Variants in POM121C observed in about 807,000 individuals in gnomAD.
POM121C encodes POM121 transmembrane nucleoporin C, also known as nuclear envelope pore membrane protein POM 121C.
A neutral mutation model predicts 66.4 loss-of-function variants in POM121C; 20 were observed. The ratio of observed to expected loss-of-function variants is 0.30; its 90% CI spans 0.21 to 0.44. The LOEUF (loss-of-function observed/expected upper bound fraction) is 0.44. Among genes scored for constraint, POM121C ranks in the 20% least tolerant of loss-of-function variants. The pLI, the probability that POM121C is intolerant of heterozygous loss-of-function variation, is 1.00. For missense variants in POM121C, 580 were observed against 1,225.7 expected, an observed-to-expected ratio of 0.47 and a Z score of 7.87; for synonymous variants, 286 against 528.0, an observed-to-expected ratio of 0.54 and a Z score of 6.28.
chr7:75,420,085 C>G (rs1789632939), intron 13 of POM121C: 1 of 152,384 alleles, frequency 6.6e-6, no homozygotes, highest in East Asian at 1.9e-4. Flanking sequence ...CCTCATGTCA[C>G]CTGTCAACTG....
intron 7 of POM121C, among the ~76,000 whole-genome samples, chr7:75,433,344 TA>T (rs2116377388): frequency 6.6e-6 from 1 of 151,876 alleles, no homozygotes; most frequent in African/African-American, 2.4e-5. Flanking sequence ...TTATGCATAT[TA>T]AAATATATTT....
In POM121C at chr7:75,439,236, C is replaced by G. The variant is rs182220897; in HGVS notation, c.228-12G>C. 6.1e-3 allele frequency: 9,847 copies of G among 1,613,480 alleles called. 57 individuals are homozygous for G. Among genetic ancestry groups the G allele is most frequent in the Non-Finnish European group, 6.2e-3 (7,271 of 1,179,850 alleles). The stretch of plus-strand genomic sequence containing the variant: ...TGCTATCATGGCGCCTGCGACAAAT[C>G]AAAAAAGTCTCAAATGAAATGACAT... On this transcript the variant is annotated splice_polypyrimidine_tract_variant and intron_variant, in intron 5 of 14. Coordinates refer to ENST00000615331, the MANE Select transcript of POM121C (RefSeq NM_001099415.3).
Position 75,419,041 on chromosome 7 carries a change from A to T in POM121C, c.2867-148T>A, listed in dbSNP as rs1302469545. ...CGCTGCGTCAGAAACACTGTACGGG[A>T]GGAGCCTCCTGAAATGCAAACTCCC... is the stretch of plus-strand genomic sequence containing the variant. On this transcript the variant is annotated intron_variant, in intron 14 of 14. Transcript: ENST00000615331. 4.8e-6 allele frequency: 7 copies of T among 1,445,936 alleles called. No homozygotes were observed. In the African/African-American group the frequency reaches 1.0e-4, roughly 21 times the overall value. The allele number at this position is 1,445,936 out of a possible 1,614,324, so 89.6% of individuals were successfully genotyped here.
chr7:75,461,972 C>T (rs1791459325), intron 3 of POM121C, among the ~76,000 whole-genome samples: 1 of 148,636 alleles, frequency 6.7e-6, no homozygotes, highest in African/African-American at 2.6e-5. Context: ...TCCAAGTCCC[C>T]ATCCCCCCAC....
chr7:75,457,874 T>C (rs1173431881), intron 3 of POM121C, among the ~76,000 whole-genome samples: 3 of 152,150 alleles, frequency 2.0e-5, no homozygotes, highest in Non-Finnish European at 4.4e-5. Context: ...CCAAGAACAG[T>C]TGATATATAT....
Position 75,419,575 on chromosome 7 carries a change from T to C in POM121C, c.2744-133A>G. On this transcript the variant is annotated intron_variant, in intron 13 of 14. Transcript: ENST00000615331. ...CCCACTTCTGCTTCTGGGGCACTCCTCCATCAGCAGCTGAGCCAGACAACC... is the reference window on the plus strand; with the variant it reads ...CCCACTTCTGCTTCTGGGGCACTCCCCCATCAGCAGCTGAGCCAGACAACC... The C allele has an allele frequency of 3.8e-6, 4 of 1,050,826 alleles. No homozygotes were observed. In the South Asian group the frequency reaches 7.0e-5, roughly 18 times the overall value. The allele number at this position is 1,050,826 out of a possible 1,614,324, so 65.1% of individuals were successfully genotyped here. A position where few individuals can be genotyped will look rare whatever the true frequency, so the allele number is the denominator to read the frequency against.
intron 3 of POM121C, among the ~76,000 whole-genome samples, chr7:75,465,087 C>T (rs1253018973): frequency 6.6e-6 from 1 of 150,658 alleles, no homozygotes; most frequent in Non-Finnish European, 1.5e-5. Flanking sequence ...CTCTGCCTAC[C>T]GGGTTCAAGC....
chr7:75,476,290 CAAA>C (rs11426718), intron 1 of POM121C, among the ~76,000 whole-genome samples: 4 of 116,506 alleles, frequency 3.4e-5, no homozygotes, highest in Non-Finnish European at 5.1e-5. Flanking sequence ...GACCTTGTCT[CAAA>C]AAAAAAAAAA....
At position 75,434,644 on chromosome 7, in the gene POM121C, G is replaced by C. The variant is rs587719796; in HGVS notation, c.480+2871C>G. Among the ~76,000 whole-genome samples the C allele has an allele frequency of 7.4e-5, 11 of 148,080 alleles. No homozygotes were observed. The East Asian group carries it at 1.8e-3, about 24-fold the overall frequency. Reference sequence around the variant, plus strand: ...GTTGCCCAGGCTGGAGTGCAGTGGCGCTATCTCTGCTCACTGCAGCCTGTG... The same window carrying C: ...GTTGCCCAGGCTGGAGTGCAGTGGCCCTATCTCTGCTCACTGCAGCCTGTG... On this transcript the variant is annotated intron_variant, in intron 7 of 14. Transcript: ENST00000615331.
rs1792533033 is a variant in POM121C at position 75,486,083 on chromosome 7, C to T, written c.-677G>A. On this transcript the variant is annotated 5_prime_UTR_variant, in exon 1 of 15. Transcript: ENST00000615331. ...CTGGGGCTCCCGGCCCCTCTGGCCCCAGCGCCGCCGGCTCCGGGGTTCACG... is the reference window on the plus strand; with the variant it reads ...CTGGGGCTCCCGGCCCCTCTGGCCCTAGCGCCGCCGGCTCCGGGGTTCACG... The T allele has an allele frequency of 1.0e-5, 4 of 385,238 alleles. No homozygotes were observed. The highest frequency in any genetic ancestry group is 7.4e-5 in the South Asian group (4 of 53,770). The allele number at this position is 385,238 out of a possible 1,614,324, so 23.9% of individuals were successfully genotyped here.
chr7:75,439,126 G>A lies in POM121C; in HGVS notation c.308+18C>T, dbSNP rs868914356. ...TTTCCAAACAGTTGGTATTTCATCT[G>A]GATGGACTCGCACTTACTTAGGCAC... On this transcript the variant is annotated intron_variant, in intron 6 of 14. Transcript: ENST00000615331. 6.2e-7 allele frequency: 1 copy of A among 1,613,708 alleles called. No individual in the cohort carries two copies. The highest frequency in any genetic ancestry group is 1.1e-5 in the South Asian group (1 of 91,068).
chr7:75,464,472 G>A (rs1396488480), intron 3 of POM121C, among the ~76,000 whole-genome samples: 54 of 149,572 alleles, frequency 3.6e-4, no homozygotes, highest in African/African-American at 1.2e-3. Context: ...GGTGGCATGC[G>A]CCTGTAGTCC....
At chr7:75,450,097 T>C (rs1276381607) in intron 3 of POM121C, among the ~76,000 whole-genome samples, 1 of 152,126 alleles carries the variant, frequency 6.6e-6, no homozygotes, top group African/African-American at 2.4e-5. Context: ...GGCAGCTATC[T>C]GCAAGCCAAT....
At chr7:75,470,583 T>G (rs1162789587) in intron 3 of POM121C, among the ~76,000 whole-genome samples, 1 of 152,024 alleles carries the variant, frequency 6.6e-6, no homozygotes, top group East Asian at 2.0e-4. Flanking sequence ...ACCTCAACAT[T>G]CCCAAGTAGC....
intron 3 of POM121C, among the ~76,000 whole-genome samples, chr7:75,473,695 T>G (rs1394953829): frequency 1.2e-4 from 18 of 151,954 alleles, no homozygotes; most frequent in African/African-American, 4.1e-4. Context: ...TGTTTGTTTT[T>G]TTGTTTTTTT....
chr7:75,446,621 C>A (rs1208748450), intron 3 of POM121C, among the ~76,000 whole-genome samples: 2 of 151,820 alleles, frequency 1.3e-5, no homozygotes, highest in African/African-American at 4.8e-5. Flanking sequence ...TGCTTTGGAC[C>A]CACCTAATGA....
chr7:75,441,303 G>C, intron 4 of POM121C, 129 bp downstream of exon 4: 1 of 1,353,896 alleles, frequency 7.4e-7, no homozygotes, highest in Non-Finnish European at 1.0e-6. Context: ...CTAGAATTTG[G>C]TATTTCTCAT....
At chr7:75,443,351 GCATAAA>G (rs373437279) in intron 3 of POM121C, among the ~76,000 whole-genome samples, 10,782 of 151,988 alleles carry the variant, frequency 0.071, 297 homozygotes, top group Non-Finnish European at 0.1. Context: ...TCTCGTAGCA[GCATAAA>G]CATAGTTTAA....
intron 3 of POM121C, among the ~76,000 whole-genome samples, chr7:75,466,111 G>C (rs34048280): frequency 0.18 from 26,311 of 149,740 alleles, 2,641 homozygotes; most frequent in Middle Eastern, 0.29. Flanking sequence ...GCAACAAAGG[G>C]AGATGCCATC....
Sources: gnomAD v4.1 joint callset for allele counts (sites outside exome capture counted in the v4.1 genomes callset) on GRCh38, gnomAD v4.1.1 for gene constraint, MANE v1.5 for transcripts, NCBI Gene and HGNC (gene_info 2026-07-23, HGNC 2026-07-21) for gene names.